Variants in ARHGAP15 observed in about 807,000 individuals in gnomAD.
The protein encoded by ARHGAP15 is Rho GTPase activating protein 15.
A neutral mutation model predicts 63.7 loss-of-function variants in ARHGAP15; 51 were observed. The ratio of observed to expected loss-of-function variants is 0.80; its 90% CI spans 0.64 to 1.01. The LOEUF is 1.01. ARHGAP15 is among the 50% of genes least tolerant of loss of function. The pLI is 0.00. For synonymous variants in ARHGAP15, 191 were observed against 193.8 expected, an observed-to-expected ratio of 0.99 and a Z score of 0.12; for missense variants, 560 against 564.6, an observed-to-expected ratio of 0.99 and a Z score of 0.08.
intron 13 of ARHGAP15, among the ~76,000 whole-genome samples, chr2:143,717,076 T>C (rs1322206197): frequency 6.6e-6 from 1 of 152,394 alleles, no homozygotes; most frequent in African/African-American, 2.4e-5. Context: ...TGTGTGTGCA[T>C]GCATGCCTGC....
chr2:143,199,994 G>T (rs1692045639), intron 2 of ARHGAP15, among the ~76,000 whole-genome samples: 1 of 152,108 alleles, frequency 6.6e-6, no homozygotes, highest in African/African-American at 2.4e-5. Flanking sequence ...CAACAATGGA[G>T]CAAGAACTTG....
chr2:143,187,195 G>A (rs1227330713), intron 2 of ARHGAP15, among the ~76,000 whole-genome samples: 1 of 152,056 alleles, frequency 6.6e-6, no homozygotes, highest in Non-Finnish European at 1.5e-5. Flanking sequence ...CATTTCACTA[G>A]TTGACTATTT....
At chr2:143,692,328 G>T (rs1378137762) in intron 12 of ARHGAP15, among the ~76,000 whole-genome samples, 3 of 152,110 alleles carry the variant, frequency 2.0e-5, no homozygotes, top group African/African-American at 7.2e-5. Flanking sequence ...TTGCACTGCC[G>T]CACAGTGGGA....
At chr2:143,423,072 G>A (rs1257392841) in intron 6 of ARHGAP15, among the ~76,000 whole-genome samples, 1 of 152,084 alleles carries the variant, frequency 6.6e-6, no homozygotes, top group Non-Finnish European at 1.5e-5. Flanking sequence ...GTGTAAAAGA[G>A]GAAAAGATCA....
chr2:143,749,411 C>T (rs540384838), intron 13 of ARHGAP15, among the ~76,000 whole-genome samples: 1 of 152,326 alleles, frequency 6.6e-6, no homozygotes, highest in African/African-American at 2.4e-5. Context: ...GCATCCTTCT[C>T]TCTCTCTTTA....
intron 3 of ARHGAP15, among the ~76,000 whole-genome samples, chr2:143,211,467 T>A (rs1302965524): frequency 6.6e-6 from 1 of 151,988 alleles, no homozygotes. Flanking sequence ...CAGACAAGAT[T>A]AACAGCAAAG....
rs74858566 is a variant in ARHGAP15, at chr2:143,221,909, G to A, written c.296+5464G>A. The stretch of plus-strand genomic sequence containing the variant: ...TAGGGCCCATAGCTACTAGGCCTTC[G>A]GTTGGGTTTTTGTTTGTTTGTTTTA... On this transcript the variant is annotated intron_variant, in intron 4 of 13. Transcript: ENST00000295095. Among the ~76,000 whole-genome samples, 1,448 of 152,252 alleles carry A rather than the reference G, an allele frequency of 9.5e-3. 31 individuals carry two copies. Among genetic ancestry groups the A allele is most frequent in the African/African-American group, 0.033 (1,373 of 41,538 alleles).
intron 3 of ARHGAP15, among the ~76,000 whole-genome samples, chr2:143,211,422 C>T (rs1026575660): frequency 3.9e-5 from 6 of 151,922 alleles, no homozygotes; most frequent in Non-Finnish European, 8.8e-5. Context: ...CCAAATGTGT[C>T]CTCATTCTGT....
intron 13 of ARHGAP15, among the ~76,000 whole-genome samples, chr2:143,750,825 G>T (rs11901783): frequency 6.6e-6 from 1 of 152,200 alleles, no homozygotes; most frequent in African/African-American, 2.4e-5. Flanking sequence ...GAGAATTTCT[G>T]CCCTAGAATG....
At chr2:143,218,622 T>A (rs1478115346) in intron 4 of ARHGAP15, among the ~76,000 whole-genome samples, 2 of 152,332 alleles carry the variant, frequency 1.3e-5, no homozygotes, top group African/African-American at 4.8e-5. Context: ...CTTACTACTT[T>A]CATTCAATGT....
rs748067062 is a variant in ARHGAP15, at chr2:143,262,500, A to G, written c.474+11900A>G. 1.5e-3 allele frequency among the ~76,000 whole-genome samples: 217 copies of G among 144,974 alleles called. 4 individuals are homozygous for G. Among genetic ancestry groups the G allele is most frequent in the Non-Finnish European group, 1.9e-3 (127 of 66,926 alleles). On this transcript the variant is annotated intron_variant, in intron 6 of 13. Transcript: ENST00000295095. The stretch of plus-strand genomic sequence containing the variant: ...CGGTTTTGTTTGTCTGAAGGAGTCA[A>G]TCGGACCTTTGTATATGCGGGGTCT...
At chr2:143,726,251 T>C (rs1685273276) in intron 13 of ARHGAP15, among the ~76,000 whole-genome samples, 1 of 152,130 alleles carries the variant, frequency 6.6e-6, no homozygotes, top group South Asian at 2.1e-4. Context: ...GCACCCTACT[T>C]GTAATGGGAA....
chr2:143,493,445 T>C (rs926549234), intron 9 of ARHGAP15, among the ~76,000 whole-genome samples: 6 of 152,246 alleles, frequency 3.9e-5, no homozygotes, highest in African/African-American at 1.2e-4. Flanking sequence ...GTTATACTGT[T>C]CTTGCTTTCA....
chr2:143,517,846 C>A (rs916157209), intron 9 of ARHGAP15, among the ~76,000 whole-genome samples: 1 of 152,130 alleles, frequency 6.6e-6, no homozygotes, highest in African/African-American at 2.4e-5. Context: ...AAAGTCCCTG[C>A]AGCAGAAGAG....
rs1310890171 is a variant in ARHGAP15, at chr2:143,614,204, C to A, written c.1004-9929C>A. ...ACACCTCATCTGGAAAGCCTTCTGA[C>A]TACACCCAGATGAAGCTTGATGCTA... On this transcript the variant is annotated intron_variant, in intron 11 of 13. Transcript: ENST00000295095. 6.6e-5 allele frequency among the ~76,000 whole-genome samples: 10 copies of A among 152,318 alleles called. No individual in the cohort carries two copies. The East Asian group carries it at 1.9e-3, about 29-fold the overall frequency.
At chr2:143,737,712 T>TTGAAACCTATTTATTTA (rs1685797407) in intron 13 of ARHGAP15, among the ~76,000 whole-genome samples, 2 of 150,656 alleles carry the variant, frequency 1.3e-5, no homozygotes, top group Non-Finnish European at 1.5e-5. Flanking sequence ...ATGAAAACTT[T>TTGAAACCTATTTATTTA]TGAAACCTAT....
intron 13 of ARHGAP15, among the ~76,000 whole-genome samples, chr2:143,737,747 TTTA>T: frequency 6.6e-6 from 1 of 151,266 alleles, no homozygotes; most frequent in East Asian, 1.9e-4. Flanking sequence ...TATTTATTTA[TTTA>T]TTTATTTATT....
intron 6 of ARHGAP15, among the ~76,000 whole-genome samples, chr2:143,273,710 T>G (rs1041319210): frequency 6.6e-6 from 1 of 152,176 alleles, no homozygotes; most frequent in Non-Finnish European, 1.5e-5. Flanking sequence ...TTTATAAATC[T>G]CTTCTGCTAA....
intron 6 of ARHGAP15, among the ~76,000 whole-genome samples, chr2:143,255,615 TA>T (rs71404468): frequency 0.21 from 31,794 of 152,042 alleles, 3,523 homozygotes; most frequent in South Asian, 0.36. Context: ...AATAACATCT[TA>T]AAAAAACATA....
Sources: gnomAD v4.1 joint callset for allele counts (sites outside exome capture counted in the v4.1 genomes callset) on GRCh38, gnomAD v4.1.1 for gene constraint, MANE v1.5 for transcripts, NCBI Gene and HGNC (gene_info 2026-07-23, HGNC 2026-07-21) for gene names.